NSD1: variants seen among roughly 807,000 people sequenced by gnomAD.
NSD1 encodes the protein nuclear receptor binding SET domain protein 1, also known as histone-lysine N-methyltransferase, H3 lysine-36 specific.
In NSD1, 26 loss-of-function variants were observed where a neutral mutation model predicts 242.7. The observed-to-expected ratio is 0.11, with a 90% CI of 0.08 to 0.15. The LOEUF (loss-of-function observed/expected upper bound fraction) is 0.15, where lower values mean the gene tolerates loss of function less well. NSD1 is among the 10% of genes least tolerant of loss of function. The pLI is 1.00. For missense variants in NSD1, 2,495 were observed against 3,272.8 expected (o/e 0.76, Z 5.80); for synonymous variants, 1,106 against 1,178.1 (o/e 0.94, Z 1.25).
intron 14 of NSD1, among the ~76,000 whole-genome samples, chr5:177,261,317 T>C (rs995935874): frequency 2.6e-5 from 4 of 151,074 alleles, no homozygotes; most frequent in Admixed American, 6.6e-5. Context: ...CTGACCTCAG[T>C]TGATCTACTC....
At chr5:177,177,371 C>G (rs563670569) in intron 2 of NSD1, among the ~76,000 whole-genome samples, 74 of 152,038 alleles carry the variant, frequency 4.9e-4, no homozygotes, top group African/African-American at 1.7e-3. Flanking sequence ...AAAAATTAGC[C>G]AGGTGTGGTG....
At chr5:177,207,160 C>T (rs1057360398) in intron 4 of NSD1, among the ~76,000 whole-genome samples, 6 of 152,114 alleles carry the variant, frequency 3.9e-5, no homozygotes, top group African/African-American at 1.4e-4. Context: ...TGGTCTCGAC[C>T]TCCTAACCTA....
Position 177,264,028 on chromosome 5 carries a change from A to ATTTTTTTTTTTTTTTTTT in NSD1, c.5147-3525_5147-3508dup, listed in dbSNP as rs61538775. Among the ~76,000 whole-genome samples, 341 of 76,372 alleles carry ATTTTTTTTTTTTTTTTTT rather than the reference A, an allele frequency of 4.5e-3. 51 individuals are homozygous for ATTTTTTTTTTTTTTTTTT. Among genetic ancestry groups the ATTTTTTTTTTTTTTTTTT allele is most frequent in the Non-Finnish European group, 6.3e-3 (255 of 40,746 alleles). 50.1% of individuals were successfully genotyped at this position (76,372 alleles called of 152,430 possible). A position where few individuals can be genotyped will look rare whatever the true frequency, so the allele number is the denominator to read the frequency against. On this transcript the variant is annotated intron_variant, in intron 14 of 22. Transcript: ENST00000439151. ...AAGATGCATATGACTCAATGAACCA[A>ATTTTTTTTTTTTTTTTTT]TTTTTTTTTTTTTTTTTTTTTTTTT...
chr5:177,285,022 A>G (rs1489317780), intron 20 of NSD1, among the ~76,000 whole-genome samples: 3 of 152,196 alleles, frequency 2.0e-5, no homozygotes, highest in Non-Finnish European at 4.4e-5. Context: ...CTGCTCTGTC[A>G]TGGCTCACCT....
chr5:177,282,323 A>T, intron 18 of NSD1, 142 bp from the exon 19 acceptor site: 1 of 747,010 alleles, frequency 1.3e-6, no homozygotes, highest in South Asian at 1.4e-5. Flanking sequence ...GGGATCGTAA[A>T]GTAATTATGT....
At chr5:177,264,838 G>A in intron 14 of NSD1, 1 of 757,286 alleles carries the variant, frequency 1.3e-6, no homozygotes, top group Non-Finnish European at 2.4e-6. Context: ...ACATGGAGTT[G>A]TTCCTTTGGC....
rs965493687 is a variant in NSD1, at chr5:177,158,737, G to A, written c.927+22707G>A. Among the ~76,000 whole-genome samples, 168 of 148,898 alleles carry A rather than the reference G, an allele frequency of 1.1e-3. 3 individuals are homozygous for A. The highest frequency in any genetic ancestry group is 1.2e-4 in the Non-Finnish European group (8 of 67,716). On this transcript the variant is annotated intron_variant, in intron 2 of 22. Coordinates refer to ENST00000439151, the MANE Select transcript of NSD1 (RefSeq NM_022455.5). ...CTAGGGCGACTGAGGTGGTAGCATCGCTTGAGCCCAGGAAGCTGAGGCTGC... is the reference window on the plus strand; with the variant it reads ...CTAGGGCGACTGAGGTGGTAGCATCACTTGAGCCCAGGAAGCTGAGGCTGC...
intron 2 of NSD1, among the ~76,000 whole-genome samples, chr5:177,152,892 G>A (rs1167577321): frequency 6.6e-6 from 1 of 151,456 alleles, no homozygotes; most frequent in Non-Finnish European, 1.5e-5. Context: ...CACCATGTTG[G>A]ACAGGCTGGT....
intron 14 of NSD1, among the ~76,000 whole-genome samples, chr5:177,267,145 A>C (rs1757556981): frequency 6.6e-6 from 1 of 152,218 alleles, no homozygotes; most frequent in Non-Finnish European, 1.5e-5. Context: ...GGCCTGAGGC[A>C]CTGTGCCCAG....
At chr5:177,159,028 A>C (rs1161808539) in intron 2 of NSD1, among the ~76,000 whole-genome samples, 2 of 114,788 alleles carry the variant, frequency 1.7e-5, no homozygotes, top group African/African-American at 7.8e-5. Flanking sequence ...ATATATATGA[A>C]TGATATATAT....
chr5:177,290,080 A>G lies in NSD1; in HGVS notation c.6258+1155A>G, dbSNP rs190257277. ...CCTGACCTCGTGATCCGCCCGCCTT[A>G]GCCTCCCAAAGTGCTGGGATTACAG... On this transcript the variant is annotated intron_variant, in intron 21 of 22. Coordinates refer to ENST00000439151, the MANE Select transcript of NSD1 (RefSeq NM_022455.5). 1.6e-3 allele frequency among the ~76,000 whole-genome samples: 241 copies of G among 151,504 alleles called. 1 individual carries two copies. In the East Asian group the frequency reaches 0.028, roughly 18 times the overall value.
intron 3 of NSD1, among the ~76,000 whole-genome samples, chr5:177,198,110 A>C (rs1176499975): frequency 6.6e-6 from 1 of 152,108 alleles, no homozygotes; most frequent in Non-Finnish European, 1.5e-5. Context: ...CCCAGGCTCC[A>C]GTGCTCCAGG....
Position 177,294,137 on chromosome 5 carries a change from G to T in NSD1, c.6769G>T (p.Asp2257Tyr). ...APKMSDKPPA[D>Y]TNQMLSLSKK... ...CAAAATGTCAGATAAACCTCCTGCT[G>T]ACACCAACCAGATGCTGTCGCTCTC... Residue 2257 changes from aspartate to tyrosine, a missense_variant, in exon 23 of 23, where the codon GAC becomes TAC. Transcript: ENST00000439151. 1 of 1,614,170 alleles carries T rather than the reference G, an allele frequency of 6.2e-7. No individual in the cohort carries two copies. Among genetic ancestry groups the T allele is most frequent in the South Asian group, 1.1e-5 (1 of 91,078 alleles).
At chr5:177,253,502 G>T (rs1431070907) in intron 12 of NSD1, among the ~76,000 whole-genome samples, 1 of 152,070 alleles carries the variant, frequency 6.6e-6, no homozygotes, top group Non-Finnish European at 1.5e-5. Context: ...GATTTACTTG[G>T]TTGTTGATCC....
intron 2 of NSD1, among the ~76,000 whole-genome samples, chr5:177,158,998 T>TTATATATATATATATATATA (rs10564918): frequency 8.2e-5 from 10 of 122,588 alleles, no homozygotes; most frequent in African/African-American, 3.8e-4. Context: ...ATGAATGATT[T>TTATATATATATATATATATA]TATATATATA....
chr5:177,260,081 A>G lies in NSD1; in HGVS notation c.5059A>G (p.Ile1687Val). The change falls in exon 14 of 23, where the codon ATC becomes GTC. Residue 1687 changes from isoleucine (I) to valine (V), a missense_variant. This residue lies in a region of NSD1 where 31 missense variants were observed against 120.2 expected (regional missense o/e 0.26). Transcript: ENST00000439151. Reference sequence around the variant, plus strand: ...GTCAAAGATCCTTGCATCTAATAGTATCATCTGCCCTAATCACTTTACCCC... The same window carrying G: ...GTCAAAGATCCTTGCATCTAATAGTGTCATCTGCCCTAATCACTTTACCCC... Reference protein sequence around the residue: ...AGSKILASNSIICPNHFTPRR... With the variant: ...AGSKILASNSVICPNHFTPRR... 1.2e-6 allele frequency: 2 copies of G among 1,614,152 alleles called. No individual in the cohort carries two copies. Among genetic ancestry groups the G allele is most frequent in the Non-Finnish European group, 1.7e-6 (2 of 1,180,044 alleles).
chr5:177,196,987 G>T lies in NSD1; in HGVS notation c.1063+4968G>T, dbSNP rs1762147876. On this transcript the variant is annotated intron_variant, in intron 3 of 22. Coordinates refer to ENST00000439151, the MANE Select transcript of NSD1 (RefSeq NM_022455.5). ...TATCATTTATAAATTGGGCATTGTG[G>T]CTGGTTGTGGTGGCTCACGCCTGCA... 2.0e-5 allele frequency among the ~76,000 whole-genome samples: 3 copies of T among 152,216 alleles called. No homozygotes were observed. In the South Asian group the frequency reaches 6.2e-4, roughly 31 times the overall value.
intron 8 of NSD1, 27 bp downstream of exon 8, chr5:177,239,892 GAAAT>G: frequency 1.4e-6 from 2 of 1,381,276 alleles, no homozygotes; most frequent in Non-Finnish European, 2.1e-6. Context: ...AGTTCTAAAA[GAAAT>G]AAACTCAGGA....
chr5:177,182,963 A>G (rs960834356), intron 2 of NSD1, among the ~76,000 whole-genome samples: 12 of 151,956 alleles, frequency 7.9e-5, no homozygotes, highest in African/African-American at 2.9e-4. Flanking sequence ...TTAAGTAAAG[A>G]TGAGGTCTCA....
Sources: allele counts gnomAD v4.1 joint callset (sites outside exome capture counted in the v4.1 genomes callset), GRCh38; gene constraint gnomAD v4.1.1; regional missense constraint gnomAD v4.1.1; transcripts MANE v1.5; gene names NCBI Gene and HGNC (gene_info 2026-07-23, HGNC 2026-07-21).